CACNA1C: variants seen among roughly 807,000 people sequenced by gnomAD.
CACNA1C encodes voltage-dependent L-type calcium channel subunit alpha-1C.
In CACNA1C, 30 loss-of-function variants were observed where a neutral mutation model predicts 229.0. That is an observed-to-expected ratio of 0.13 (90% CI 0.10 to 0.18). The LOEUF is 0.18. Among genes scored for constraint, CACNA1C ranks in the 10% least tolerant of loss-of-function variants. The pLI, the probability that CACNA1C is intolerant of heterozygous loss-of-function variation, is 1.00. For missense variants in CACNA1C, 1,658 were observed against 2,845.0 expected (o/e 0.58, Z 9.49); for synonymous variants, 1,114 against 1,132.5 (o/e 0.98, Z 0.33).
Position 2,584,493 on chromosome 12 carries a change from A to G in CACNA1C, c.2225-10A>G. ...CAAGGGTCATTTTCTTTAAGAATGGACACAAACAGATATCCTACTGAATGT... is the reference window on the plus strand; with the variant it reads ...CAAGGGTCATTTTCTTTAAGAATGGGCACAAACAGATATCCTACTGAATGT... On this transcript the variant is annotated splice_polypyrimidine_tract_variant and intron_variant, in intron 15 of 46. Transcript: ENST00000399655. 6.2e-7 allele frequency: 1 copy of G among 1,601,044 alleles called. No individual in the cohort carries two copies. Among genetic ancestry groups the G allele is most frequent in the Non-Finnish European group, 8.6e-7 (1 of 1,168,276 alleles).
chr12:2,407,047 G>A (rs925439023), intron 3 of CACNA1C, among the ~76,000 whole-genome samples: 1 of 152,366 alleles, frequency 6.6e-6, no homozygotes, highest in East Asian at 1.9e-4. Flanking sequence ...CGTGGCTCAG[G>A]CTCACTGCCA....
intron 3 of CACNA1C, among the ~76,000 whole-genome samples, chr12:2,384,224 G>C (rs2098325872): frequency 6.6e-6 from 1 of 152,318 alleles, no homozygotes; most frequent in South Asian, 2.1e-4. Flanking sequence ...GCGGGTTACT[G>C]TACTGTCTTT....
chr12:2,053,610 A>C lies in CACNA1C; in HGVS notation c.48A>C (p.Gln16His). Residue 16 changes from glutamine (Q) to histidine (H), a missense_variant and splice_region_variant, in exon 1 of 47, where the codon CAA (glutamine) becomes CAC (histidine). By Grantham distance (24) the Gln-to-His change is conservative. This residue lies in a region of CACNA1C where 111 missense variants were observed against 128.0 expected (regional missense o/e 0.87). Transcript: ENST00000399655. This position sits in a 1 kb window ranked among gnomAD's most constrained non-coding sequence, Gnocchi z 5.8. ...TRMYIPEENH[Q>H]GSNYGSPRPA... ...TGTACATTCCAGAGGAAAACCACCA[A>C]GGTAAGGCTGGACCCCGCCGCCTCG... 6.3e-7 allele frequency: 1 copy of C among 1,591,752 alleles called. No homozygotes were observed.
rs569897320 is a variant in CACNA1C, at chr12:2,580,605, G to A, written c.1896-985G>A. On this transcript the variant is annotated intron_variant, in intron 13 of 46. Coordinates refer to ENST00000399655, the MANE Select transcript of CACNA1C (RefSeq NM_000719.7). The stretch of plus-strand genomic sequence containing the variant: ...CTGGTCCTGAGCTGACCCTCACACA[G>A]GTGCCCACCCTGCATCCAGCAGTCA... Among the ~76,000 whole-genome samples, 18 of 152,318 alleles carry A rather than the reference G, an allele frequency of 1.2e-4. No individual in the cohort carries two copies. The East Asian group carries it at 3.3e-3, about 28-fold the overall frequency.
Position 2,632,199 on chromosome 12 carries a change from G to A in CACNA1C, c.3829-2098G>A, listed in dbSNP as rs2090739474. On this transcript the variant is annotated intron_variant, in intron 29 of 46. Coordinates refer to ENST00000399655, the MANE Select transcript of CACNA1C (RefSeq NM_000719.7). The surrounding 1 kb of genome is among the most constrained non-coding windows in gnomAD (Gnocchi z 4.1). ...CTTCGCAGACCATTTCTAAACTAAA[G>A]GCGTGAATGTTTTTTCTTAAAGAAG... Among the ~76,000 whole-genome samples the A allele has an allele frequency of 6.6e-6, 1 of 152,078 alleles. No homozygotes were observed. The highest frequency in any genetic ancestry group is 1.5e-5 in the Non-Finnish European group (1 of 68,020).
At chr12:2,609,651 G>A (rs1000731945) in intron 27 of CACNA1C, among the ~76,000 whole-genome samples, 3 of 151,426 alleles carry the variant, frequency 2.0e-5, no homozygotes, top group African/African-American at 7.3e-5. Flanking sequence ...GGACACCGGG[G>A]CTGAGGGTTT....
chr12:2,360,352 C>G (rs1368838698), intron 3 of CACNA1C, among the ~76,000 whole-genome samples: 2 of 152,166 alleles, frequency 1.3e-5, no homozygotes, highest in African/African-American at 4.8e-5. Context: ...GGAGCCCAGG[C>G]CACACCTGCC....
intron 1 of CACNA1C, among the ~76,000 whole-genome samples, chr12:2,064,274 A>G (rs2058553094): frequency 6.6e-6 from 1 of 152,202 alleles, no homozygotes; most frequent in South Asian, 2.1e-4. Flanking sequence ...AGACAAAGCT[A>G]TTTAGTCTGT....
intron 3 of CACNA1C, among the ~76,000 whole-genome samples, chr12:2,303,564 C>T (rs926119606): frequency 1.1e-4 from 16 of 151,996 alleles, no homozygotes; most frequent in African/African-American, 3.6e-4. Context: ...CAGGAGTTCG[C>T]GACCAGCCCG....
rs371353311 is a variant in CACNA1C, at chr12:2,662,111, A to G, written c.4233-2714A>G. Among the ~76,000 whole-genome samples the G allele has an allele frequency of 2.9e-3, 437 of 152,044 alleles. 5 individuals carry two copies. The highest frequency in any genetic ancestry group is 0.01 in the African/African-American group (417 of 41,512). On this transcript the variant is annotated intron_variant, in intron 34 of 46. Transcript: ENST00000399655. ...CAAAAAATTAGCCGGGCGTGGTAGCAGGCGCCTGTAGTCCCAGCTACTCAG... is the reference window on the plus strand; with the variant it reads ...CAAAAAATTAGCCGGGCGTGGTAGCGGGCGCCTGTAGTCCCAGCTACTCAG...
At chr12:2,531,807 G>A (rs1051541275) in intron 9 of CACNA1C, among the ~76,000 whole-genome samples, 6 of 152,126 alleles carry the variant, frequency 3.9e-5, no homozygotes, top group Admixed American at 1.3e-4. Flanking sequence ...CCTCAGTGCC[G>A]GGAGGTGTCC....
intron 3 of CACNA1C, among the ~76,000 whole-genome samples, chr12:2,365,539 G>A (rs532122125): frequency 6.6e-6 from 1 of 152,210 alleles, no homozygotes; most frequent in Non-Finnish European, 1.5e-5. Flanking sequence ...TCATTGTCAT[G>A]GGGCTCAGGC....
intron 3 of CACNA1C, among the ~76,000 whole-genome samples, chr12:2,293,900 A>G (rs1314583039): frequency 6.6e-6 from 1 of 151,766 alleles, no homozygotes; most frequent in Non-Finnish European, 1.5e-5. Flanking sequence ...TGCTTACACT[A>G]TAATTTATCA....
intron 21 of CACNA1C, among the ~76,000 whole-genome samples, chr12:2,600,919 C>G (rs916300693): frequency 1.3e-5 from 2 of 152,190 alleles, no homozygotes; most frequent in African/African-American, 4.8e-5. Context: ...GAGGTACCCA[C>G]TTGATGCTTA....
At chr12:2,511,100 G>A (rs1857766307) in intron 8 of CACNA1C, among the ~76,000 whole-genome samples, 1 of 152,200 alleles carries the variant, frequency 6.6e-6, no homozygotes, top group African/African-American at 2.4e-5. Flanking sequence ...CCAAGAAACA[G>A]CAAGTACAAT....
chr12:1,997,774 T>C (rs2041283167), intron 1 of CACNA1C, among the ~76,000 whole-genome samples: 1 of 152,258 alleles, frequency 6.6e-6, no homozygotes, highest in South Asian at 2.1e-4. Context: ...TGACATTATT[T>C]GGTATTCCCT....
At chr12:2,413,540 T>G (rs531652085) in intron 3 of CACNA1C, among the ~76,000 whole-genome samples, 1 of 152,300 alleles carries the variant, frequency 6.6e-6, no homozygotes, top group South Asian at 2.1e-4. Context: ...TCTGATAAAA[T>G]GCAGCGACAT....
rs3794304 is a variant in CACNA1C, at chr12:2,054,596, G to A, written c.49+985G>A. 0.13 allele frequency among the ~76,000 whole-genome samples: 19,153 copies of A among 152,126 alleles called. 1,940 individuals are homozygous for A. The highest frequency in any genetic ancestry group is 0.49 in the East Asian group (2,513 of 5,144). Reference sequence around the variant, plus strand: ...CGCTCTCCCCCCATATTAACAAGTTGTTTTCTTGGACGTTGCTTAGCATTT... The same window carrying A: ...CGCTCTCCCCCCATATTAACAAGTTATTTTCTTGGACGTTGCTTAGCATTT... On this transcript the variant is annotated intron_variant, in intron 1 of 46. Coordinates refer to ENST00000399655, the MANE Select transcript of CACNA1C (RefSeq NM_000719.7). The surrounding 1 kb of genome is among the most constrained non-coding windows in gnomAD (Gnocchi z 5.5).
intron 1 of CACNA1C, among the ~76,000 whole-genome samples, chr12:2,099,417 T>G (rs1398345377): frequency 1.3e-5 from 2 of 151,938 alleles, no homozygotes; most frequent in Non-Finnish European, 2.9e-5. Context: ...TCTTGCTTCT[T>G]TCTCTGTGGC....
Sources: allele counts gnomAD v4.1 joint callset (sites outside exome capture counted in the v4.1 genomes callset), GRCh38; gene constraint gnomAD v4.1.1; regional missense constraint gnomAD v4.1.1; non-coding constraint Gnocchi (gnomAD v3.1); transcripts MANE v1.5; gene names NCBI Gene and HGNC (gene_info 2026-07-23, HGNC 2026-07-21).